Variants in OCA2 observed in about 807,000 individuals in gnomAD.
OCA2 encodes the protein OCA2 melanosomal transmembrane protein, also known as P protein.
In OCA2, 77 loss-of-function variants were observed where a neutral mutation model predicts 100.2. The observed-to-expected ratio is 0.77, with a 90% CI of 0.64 to 0.93. The LOEUF is 0.93. Among genes scored for constraint, OCA2 ranks in the 40% least tolerant of loss-of-function variants. The pLI, the probability that OCA2 is intolerant of heterozygous loss-of-function variation, is 0.00. For synonymous variants in OCA2, 432 were observed against 439.2 expected, an observed-to-expected ratio of 0.98 and a Z score of 0.21; for missense variants, 1,062 against 1,089.1, an observed-to-expected ratio of 0.98 and a Z score of 0.35.
chr15:28,041,070 C>T (rs1054833159), intron 2 of OCA2, among the ~76,000 whole-genome samples: 3 of 152,034 alleles, frequency 2.0e-5, no homozygotes, highest in African/African-American at 7.2e-5. Context: ...AACTACAAAC[C>T]GATATTCCTG....
intron 19 of OCA2, among the ~76,000 whole-genome samples, chr15:27,894,780 C>T (rs74995153): frequency 5.9e-5 from 9 of 152,276 alleles, no homozygotes; most frequent in East Asian, 1.9e-4. Context: ...GTGATTGTGA[C>T]GTACACCTCT....
Position 28,028,034 on chromosome 15 carries a change from G to T in OCA2, c.352C>A (p.Pro118Thr). ...GACTCTTCAGCAGTGATGAACTCTGGATGGTAAACAGGTATGCACCGTGAC... is the reference window on the plus strand; with the variant it reads ...GACTCTTCAGCAGTGATGAACTCTGTATGGTAAACAGGTATGCACCGTGAC... Reference protein sequence around the residue: ...KGSRCIPVYHPEFITAEESWE... With the variant: ...KGSRCIPVYHTEFITAEESWE... The change falls in exon 4 of 24, where the codon CCA becomes ACA. Residue 118 changes from proline to threonine, a missense_variant. Coordinates refer to ENST00000354638, the MANE Select transcript of OCA2 (RefSeq NM_000275.3). The T allele has an allele frequency of 6.2e-7, 1 of 1,614,208 alleles. No individual in the cohort carries two copies.
chr15:28,074,980 A>C (rs981895190), intron 2 of OCA2, among the ~76,000 whole-genome samples: 5 of 152,246 alleles, frequency 3.3e-5, no homozygotes, highest in African/African-American at 1.2e-4. Context: ...TCTATAAGCA[A>C]AATATAAATA....
chr15:27,810,387 G>A (rs532100918), intron 23 of OCA2, among the ~76,000 whole-genome samples: 2 of 152,248 alleles, frequency 1.3e-5, no homozygotes, highest in South Asian at 2.1e-4. Flanking sequence ...AATCTAAGAT[G>A]TGAAATCATA....
intron 11 of OCA2, among the ~76,000 whole-genome samples, chr15:27,988,837 G>A (rs760412794): frequency 4.6e-5 from 7 of 152,114 alleles, no homozygotes; most frequent in Non-Finnish European, 8.8e-5. Flanking sequence ...GCCTCCCTGC[G>A]CACCACCCAC....
rs146684875 is a variant in OCA2, at chr15:27,829,951, A to C, written c.2432+15008T>G. 5.9e-5 allele frequency among the ~76,000 whole-genome samples: 9 copies of C among 152,376 alleles called. No individual in the cohort carries two copies. In the East Asian group the frequency reaches 1.7e-3, roughly 29 times the overall value. On this transcript the variant is annotated intron_variant, in intron 23 of 23. Coordinates refer to ENST00000354638, the MANE Select transcript of OCA2 (RefSeq NM_000275.3). ...CATTTTTCTCTCATAAGCAAAGAAT[A>C]CTATAAAGCAAAGATATTATAAAGA...
chr15:27,904,125 T>C (rs2038074199), intron 19 of OCA2, among the ~76,000 whole-genome samples: 1 of 152,184 alleles, frequency 6.6e-6, no homozygotes, highest in African/African-American at 2.4e-5. Flanking sequence ...TCATTTCCTT[T>C]CGCCTCTGAA....
intron 23 of OCA2, among the ~76,000 whole-genome samples, chr15:27,777,604 C>A (rs68182919): frequency 0.27 from 41,756 of 152,102 alleles, 6,829 homozygotes; most frequent in Non-Finnish European, 0.37. Context: ...ATTTTTTATT[C>A]ACATGCACAT....
intron 21 of OCA2, among the ~76,000 whole-genome samples, chr15:27,857,291 G>T (rs567953117): frequency 6.6e-6 from 1 of 152,334 alleles, no homozygotes; most frequent in South Asian, 2.1e-4. Flanking sequence ...TGAGGAAGCC[G>T]AAGAAAGGAT....
intron 19 of OCA2, among the ~76,000 whole-genome samples, chr15:27,889,886 T>C (rs2037384421): frequency 6.6e-6 from 1 of 152,170 alleles, no homozygotes; most frequent in Non-Finnish European, 1.5e-5. Flanking sequence ...AGTCAAAGCC[T>C]TGGAAAGATA....
chr15:27,829,379 A>T (rs1036610663), intron 23 of OCA2, among the ~76,000 whole-genome samples: 1 of 152,186 alleles, frequency 6.6e-6, no homozygotes, highest in South Asian at 2.1e-4. Flanking sequence ...ACACCTAAGG[A>T]CCTGGTGGGA....
At chr15:28,034,525 C>G (rs1482853934) in intron 2 of OCA2, among the ~76,000 whole-genome samples, 1 of 152,162 alleles carries the variant, frequency 6.6e-6, no homozygotes, top group African/African-American at 2.4e-5. Context: ...CATGTAATCT[C>G]AGCACTTTGG....
At chr15:27,960,144 A>G (rs1317133678) in intron 15 of OCA2, among the ~76,000 whole-genome samples, 1 of 152,162 alleles carries the variant, frequency 6.6e-6, no homozygotes, top group Non-Finnish European at 1.5e-5. Context: ...TCTTCCTCCC[A>G]TAAAGTTTCT....
chr15:27,815,254 C>A (rs1566986342), intron 23 of OCA2, among the ~76,000 whole-genome samples: 2 of 152,210 alleles, frequency 1.3e-5, no homozygotes, highest in Non-Finnish European at 2.9e-5. Flanking sequence ...ACTGGGCCAA[C>A]CCCGCTGTTC....
chr15:27,822,606 T>C (rs181825818), intron 23 of OCA2, among the ~76,000 whole-genome samples: 141 of 152,300 alleles, frequency 9.3e-4, no homozygotes, highest in African/African-American at 3.2e-3. Context: ...TGGTGTAAAA[T>C]GGCGCTGTGG....
chr15:27,955,887 C>A (rs2040207717), intron 16 of OCA2, among the ~76,000 whole-genome samples: 1 of 152,122 alleles, frequency 6.6e-6, no homozygotes, highest in Admixed American at 6.6e-5. Flanking sequence ...TCAGCCCACC[C>A]CTCCTGGCTG....
chr15:28,077,955 C>CT (rs2044486836), intron 2 of OCA2, among the ~76,000 whole-genome samples: 1 of 152,186 alleles, frequency 6.6e-6, no homozygotes, highest in Admixed American at 6.5e-5. Flanking sequence ...TGGCGAGTGC[C>CT]TGTAGTCCCA....
chr15:27,953,232 C>T (rs1051789217), intron 17 of OCA2, among the ~76,000 whole-genome samples: 4 of 152,240 alleles, frequency 2.6e-5, no homozygotes, highest in African/African-American at 4.8e-5. Flanking sequence ...AAGAGATTCT[C>T]TCTCTTGCTT....
intron 11 of OCA2, 66 bp downstream of exon 11, chr15:27,989,535 G>T: frequency 7.6e-7 from 1 of 1,310,364 alleles, no homozygotes; most frequent in Non-Finnish European, 1.1e-6. Context: ...CCTCAGCGGT[G>T]GAGGCCAGAG....
Sources: allele counts gnomAD v4.1 joint callset (sites outside exome capture counted in the v4.1 genomes callset), GRCh38; gene constraint gnomAD v4.1.1; transcripts MANE v1.5; gene names NCBI Gene and HGNC (gene_info 2026-07-23, HGNC 2026-07-21).